The following TXLNG variants were observed in gnomAD, a reference collection of about 807,000 sequenced individuals.
TXLNG encodes the protein gamma-taxilin.
TXLNG carries 5 observed loss-of-function variants against 38.8 expected under a neutral mutation model. The ratio of observed to expected loss-of-function variants is 0.13; its 90% CI spans 0.07 to 0.27. The LOEUF is 0.27. Among genes scored for constraint, TXLNG ranks in the 10% least tolerant of loss-of-function variants. The pLI is 1.00. For synonymous variants in TXLNG, 182 were observed against 158.2 expected (o/e 1.15, Z -1.13); for missense variants, 393 against 398.2 (o/e 0.99, Z 0.11).
chrX:16,828,267 T>G lies in TXLNG; in HGVS notation c.669+3T>G, dbSNP rs1341884948. ...AGCGTCACAATAAGACGTTAAAGGT[T>G]AGTTGCTTCATTTGTCTGTTTTTTT... On this transcript the variant is annotated splice_donor_region_variant and intron_variant, in intron 4 of 9. Transcript: ENST00000380122. 2.5e-6 allele frequency: 3 copies of G among 1,188,934 alleles called. No individual in the cohort carries two copies. The highest frequency in any genetic ancestry group is 3.4e-6 in the Non-Finnish European group (3 of 882,097).
chrX:16,829,458 G>T (rs1929294991), intron 4 of TXLNG, 118 bp from the exon 5 acceptor site: 2 of 669,718 alleles, frequency 3.0e-6, no homozygotes, highest in East Asian at 7.1e-5. Context: ...GGGAGGAATT[G>T]TAGTTCAGAA....
chrX:16,825,046 T>C (rs1047488973), intron 3 of TXLNG, among the ~76,000 whole-genome samples: 1 of 111,081 alleles, frequency 9.0e-6, no homozygotes, highest in African/African-American at 3.3e-5. Flanking sequence ...AAAGGACAAA[T>C]AGCCCTATGG....
At chrX:16,794,113 C>T (rs1340584800) in intron 1 of TXLNG, among the ~76,000 whole-genome samples, 3 of 111,765 alleles carry the variant, frequency 2.7e-5, no homozygotes, top group Non-Finnish European at 5.6e-5. Context: ...TCCCTATGGC[C>T]ACACAGGAGA....
In TXLNG at chrX:16,834,363, T is replaced by TTCA. The variant is rs775798434; in HGVS notation, c.1059+7_1059+9dup. 1.7e-5 allele frequency: 20 copies of TTCA among 1,195,348 alleles called. No homozygotes were observed. Among genetic ancestry groups the TTCA allele is most frequent in the Non-Finnish European group, 2.3e-5 (20 of 883,930 alleles). ...AAGTACAACTAAAACAGCAGGTAAC[T>TTCA]TCACAGCAGGGGATAGTACAATTTG... is the stretch of plus-strand genomic sequence containing the variant. On this transcript the variant is annotated splice_region_variant and intron_variant, in intron 7 of 9. Coordinates refer to ENST00000380122, the MANE Select transcript of TXLNG (RefSeq NM_018360.3).
intron 2 of TXLNG, 81 bp downstream of exon 2, chrX:16,818,958 A>C: frequency 5.8e-6 from 6 of 1,027,097 alleles, no homozygotes; most frequent in Non-Finnish European, 2.6e-6. Context: ...AATTTTGAAC[A>C]CAGCCACTTT....
intron 1 of TXLNG, among the ~76,000 whole-genome samples, chrX:16,808,736 G>A (rs1377018846): frequency 9.0e-6 from 1 of 111,101 alleles, no homozygotes; most frequent in Non-Finnish European, 1.9e-5. Context: ...TAACAGTATG[G>A]TACTCAATTG....
At chrX:16,823,850 G>A (rs1038510079) in intron 3 of TXLNG, among the ~76,000 whole-genome samples, 4 of 111,329 alleles carry the variant, frequency 3.6e-5, no homozygotes, top group Non-Finnish European at 7.5e-5. Flanking sequence ...GATTATTATA[G>A]CATAATAATC....
intron 3 of TXLNG, among the ~76,000 whole-genome samples, chrX:16,821,022 GC>G (rs922499166): frequency 2.7e-5 from 3 of 110,390 alleles, no homozygotes; most frequent in Non-Finnish European, 3.8e-5. Context: ...GCCCGCCTCG[GC>G]CTCCCAAAGT....
At chrX:16,823,793 A>C (rs1389956475) in intron 3 of TXLNG, among the ~76,000 whole-genome samples, 4 of 111,577 alleles carry the variant, frequency 3.6e-5, no homozygotes, top group Non-Finnish European at 7.5e-5. Flanking sequence ...ATGATCCTTA[A>C]GTACTTTATA....
chrX:16,833,303 C>T (rs1372316982), intron 6 of TXLNG, among the ~76,000 whole-genome samples: 1 of 112,414 alleles, frequency 8.9e-6, no homozygotes, highest in Non-Finnish European at 1.9e-5. Context: ...TGCTCAGATT[C>T]TATTGCCTGT....
chrX:16,841,800 T>G lies in TXLNG; in HGVS notation c.*34T>G, dbSNP rs1452489966. The G allele has an allele frequency of 1.7e-6, 2 of 1,152,695 alleles. No individual in the cohort carries two copies. The highest frequency in any genetic ancestry group is 2.3e-6 in the Non-Finnish European group (2 of 860,032). 95.0% of individuals were successfully genotyped at this position (1,152,695 alleles called of 1,213,427 possible). A position where few individuals can be genotyped will look rare whatever the true frequency, so the allele number is the denominator to read the frequency against. ...GTGATCACTGTATTGAGAGATATAT[T>G]TTGTGTATAACTTTCTCTGTTAGTA... On this transcript the variant is annotated 3_prime_UTR_variant, in exon 10 of 10. Transcript: ENST00000380122.
Position 16,842,881 on chromosome X carries a change from AC to A in TXLNG, c.*1120del, listed in dbSNP as rs1204036582. 9.0e-6 allele frequency: 1 copy of A among 111,420 alleles called. No individual in the cohort carries two copies. Among genetic ancestry groups the A allele is most frequent in the Non-Finnish European group, 1.9e-5 (1 of 53,072 alleles). The allele number at this position is 111,420 out of a possible 1,213,427, so 9.2% of individuals were successfully genotyped here. ...ACTTACGTGTTCAGTCTGTTTTCTC[AC>A]CCCCTTCTTAGTTACCATCTCTTTT... On this transcript the variant is annotated 3_prime_UTR_variant, in exon 10 of 10. Transcript: ENST00000380122.
At position 16,786,554 on chromosome X, in the gene TXLNG, G is replaced by A; in HGVS notation, c.67G>A (p.Gly23Arg). The change falls in exon 1 of 10, where the codon GGA becomes AGA. Residue 23 changes from glycine to arginine, a missense_variant. Transcript: ENST00000380122. Reference sequence around the variant, plus strand: ...CGGCGCCGAAGAGGCGACTGAGGCCGGACGGGGCGGACGGCGACGCAGCCC... The same window carrying A: ...CGGCGCCGAAGAGGCGACTGAGGCCAGACGGGGCGGACGGCGACGCAGCCC... ...GGGAEEATEA[G>R]RGGRRRSPRQ... 9.3e-7 allele frequency: 1 copy of A among 1,079,082 alleles called. No individual in the cohort carries two copies. 88.9% of individuals were successfully genotyped at this position (1,079,082 alleles called of 1,213,427 possible). A position where few individuals can be genotyped will look rare whatever the true frequency, so the allele number is the denominator to read the frequency against.
At chrX:16,800,083 G>A (rs1928033320) in intron 1 of TXLNG, among the ~76,000 whole-genome samples, 2 of 108,654 alleles carry the variant, frequency 1.8e-5, no homozygotes, top group Admixed American at 2.0e-4. Context: ...GGGATCACAG[G>A]CATCTACCAC....
intron 7 of TXLNG, among the ~76,000 whole-genome samples, chrX:16,835,825 A>C (rs1037671742): frequency 1.8e-5 from 2 of 112,193 alleles, no homozygotes; most frequent in African/African-American, 6.5e-5. Context: ...GGTGTAACTC[A>C]AAGTCTTTGT....
intron 1 of TXLNG, among the ~76,000 whole-genome samples, chrX:16,794,048 A>T (rs1300274751): frequency 8.9e-6 from 1 of 111,865 alleles, no homozygotes; most frequent in African/African-American, 3.2e-5. Flanking sequence ...TATGGCGCTA[A>T]GAAGGTAAGT....
At chrX:16,828,041 A>G in intron 3 of TXLNG, 53 bp from the exon 4 acceptor site, 2 of 1,086,554 alleles carry the variant, frequency 1.8e-6, no homozygotes, top group Non-Finnish European at 2.5e-6. Flanking sequence ...TTCTAGCCAT[A>G]ACTGTAAGAT....
chrX:16,813,946 C>T (rs914474590), intron 1 of TXLNG, among the ~76,000 whole-genome samples: 9 of 110,840 alleles, frequency 8.1e-5, no homozygotes, highest in African/African-American at 2.0e-4. Flanking sequence ...ATTAGCTGGG[C>T]GTGGTGGCGG....
chrX:16,841,334 G>A, intron 9 of TXLNG, 94 bp from the exon 10 acceptor site: 1 of 752,460 alleles, frequency 1.3e-6, no homozygotes, highest in Non-Finnish European at 1.9e-6. Context: ...ATGTTCCATA[G>A]GTGAGAAGTG....
Sources: allele counts gnomAD v4.1 joint callset (sites outside exome capture counted in the v4.1 genomes callset), GRCh38; gene constraint gnomAD v4.1.1; transcripts MANE v1.5; gene names NCBI Gene and HGNC (gene_info 2026-07-23, HGNC 2026-07-21).